SLC9C1: variants seen among roughly 807,000 people sequenced by gnomAD.
SLC9C1 encodes the protein solute carrier family 9 member C1, also known as sodium/hydrogen exchanger 10.
SLC9C1 carries 97 observed loss-of-function variants against 140.9 expected under a neutral mutation model. The observed-to-expected ratio is 0.69, with a 90% CI of 0.58 to 0.82. The LOEUF (loss-of-function observed/expected upper bound fraction) is 0.82. Ranked by LOEUF, SLC9C1 falls within the 40% of genes least tolerant of loss-of-function variation. SLC9C1 has a pLI of 0.00. For missense variants in SLC9C1, 1,340 were observed against 1,389.3 expected (o/e 0.96, Z 0.56); for synonymous variants, 440 against 442.6 (o/e 0.99, Z 0.07).
intron 22 of SLC9C1, 58 bp from the exon 23 acceptor site, chr3:112,179,759 A>G: frequency 3.5e-6 from 5 of 1,431,896 alleles, no homozygotes; most frequent in Non-Finnish European, 4.6e-6. Context: ...TATTACCAAA[A>G]CTAATTTATG....
intron 10 of SLC9C1, among the ~76,000 whole-genome samples, chr3:112,255,605 T>A (rs770305839): frequency 2.6e-5 from 4 of 151,998 alleles, no homozygotes; most frequent in Non-Finnish European, 5.9e-5. Context: ...GAAATTTATA[T>A]CATGAAACGC....
At chr3:112,201,477 C>G (rs2077903946) in intron 18 of SLC9C1, among the ~76,000 whole-genome samples, 1 of 151,974 alleles carries the variant, frequency 6.6e-6, no homozygotes. Flanking sequence ...ATTGAATGTT[C>G]AGTTTCTCAA....
intron 12 of SLC9C1, among the ~76,000 whole-genome samples, chr3:112,237,816 C>T (rs184411158): frequency 1.4e-4 from 22 of 152,310 alleles, no homozygotes; most frequent in East Asian, 1.9e-4. Context: ...GAATTTCTGC[C>T]GTGAGATCAG....
intron 6 of SLC9C1, among the ~76,000 whole-genome samples, chr3:112,272,608 A>C (rs1443185846): frequency 6.6e-6 from 1 of 152,202 alleles, no homozygotes; most frequent in African/African-American, 2.4e-5. Flanking sequence ...GTTCAGAGAA[A>C]GTCCTAATGT....
chr3:112,284,887 A>G (rs1350571157), intron 2 of SLC9C1, among the ~76,000 whole-genome samples: 1 of 94,744 alleles, frequency 1.1e-5, no homozygotes, highest in Non-Finnish European at 2.7e-5. Flanking sequence ...AATGTTTCTA[A>G]TATTTTAAAT....
At chr3:112,214,517 A>T (rs2078300527) in intron 15 of SLC9C1, among the ~76,000 whole-genome samples, 1 of 152,228 alleles carries the variant, frequency 6.6e-6, no homozygotes, top group Non-Finnish European at 1.5e-5. Context: ...ATAAAAAATG[A>T]TAAAGGGGAT....
intron 23 of SLC9C1, among the ~76,000 whole-genome samples, chr3:112,170,984 C>T (rs1281597735): frequency 2.0e-5 from 3 of 152,254 alleles, no homozygotes; most frequent in East Asian, 1.9e-4. Context: ...GAGGCTGAGG[C>T]GGGCTGAGCC....
chr3:112,191,293 A>G lies in SLC9C1; in HGVS notation c.2523+8028T>C, dbSNP rs551865686. Among the ~76,000 whole-genome samples the G allele has an allele frequency of 9.0e-4, 137 of 152,046 alleles. 2 individuals are homozygous for G. Among genetic ancestry groups the G allele is most frequent in the African/African-American group, 3.0e-3 (126 of 41,500 alleles). On this transcript the variant is annotated intron_variant, in intron 20 of 28. Coordinates refer to ENST00000305815, the MANE Select transcript of SLC9C1 (RefSeq NM_183061.3). ...TTCTTTTCTTCTCTCTGATTTTTCA[A>G]CTTTTCCTCATTGAGGATGATGTGA...
At chr3:112,249,725 C>A (rs190160667) in intron 10 of SLC9C1, among the ~76,000 whole-genome samples, 3 of 151,960 alleles carry the variant, frequency 2.0e-5, no homozygotes, top group African/African-American at 7.3e-5. Context: ...AGTTTGTGTG[C>A]AGAGGTGTTC....
At chr3:112,210,446 C>G (rs1291800605) in intron 15 of SLC9C1, among the ~76,000 whole-genome samples, 1 of 152,132 alleles carries the variant, frequency 6.6e-6, no homozygotes, top group Non-Finnish European at 1.5e-5. Flanking sequence ...AAACACAAGG[C>G]TACATAGTGA....
chr3:112,181,693 A>C (rs1368847366), intron 21 of SLC9C1, among the ~76,000 whole-genome samples: 1 of 152,214 alleles, frequency 6.6e-6, no homozygotes, highest in Non-Finnish European at 1.5e-5. Flanking sequence ...AGTTCACAGG[A>C]AGGTCTTCTA....
At chr3:112,217,639 T>A in intron 14 of SLC9C1, 78 bp from the exon 15 acceptor site, 1 of 1,345,190 alleles carries the variant, frequency 7.4e-7, no homozygotes, top group Non-Finnish European at 9.9e-7. Flanking sequence ...AGTTTAATGT[T>A]GTACATAAGT....
At chr3:112,183,132 G>T (rs2077469061) in intron 20 of SLC9C1, among the ~76,000 whole-genome samples, 1 of 151,996 alleles carries the variant, frequency 6.6e-6, no homozygotes, top group Admixed American at 6.6e-5. Flanking sequence ...GGATCATAAA[G>T]TATGCATATG....
At position 112,290,352 on chromosome 3, in the gene SLC9C1, T is replaced by C. The variant is rs560267060; in HGVS notation, c.-87-3474A>G. ...AATTATTTAAAAATTGTAATAAGTG[T>C]TTACACATTCAATTATAATAAATTT... is the stretch of plus-strand genomic sequence containing the variant. On this transcript the variant is annotated intron_variant, in intron 1 of 28. Transcript: ENST00000305815. Among the ~76,000 whole-genome samples, 42 of 150,124 alleles carry C rather than the reference T, an allele frequency of 2.8e-4. 2 individuals carry two copies. The highest frequency in any genetic ancestry group is 5.9e-5 in the Non-Finnish European group (4 of 67,724).
chr3:112,171,364 A>G (rs1451545294), intron 23 of SLC9C1, among the ~76,000 whole-genome samples: 1 of 152,208 alleles, frequency 6.6e-6, no homozygotes, highest in Non-Finnish European at 1.5e-5. Flanking sequence ...CTGGCAGCTA[A>G]TGATGGTGAA....
chr3:112,175,696 C>T (rs750902622), intron 23 of SLC9C1, among the ~76,000 whole-genome samples: 2 of 152,160 alleles, frequency 1.3e-5, no homozygotes, highest in Admixed American at 1.3e-4. Context: ...AAATGGGATT[C>T]GGGATGTGCA....
rs932903820 is a variant in SLC9C1 at position 112,270,815 on chromosome 3, CA to C, written c.614-739del. On this transcript the variant is annotated intron_variant, in intron 6 of 28. Coordinates refer to ENST00000305815, the MANE Select transcript of SLC9C1 (RefSeq NM_183061.3). ...TGGGCAAGAGAGCAAGACTCTGTCT[CA>C]AAAAAAAAGGGTACCAGTTGACCAT... 3.1e-4 allele frequency among the ~76,000 whole-genome samples: 46 copies of C among 149,768 alleles called. 1 individual carries two copies. The Middle Eastern group carries it at 0.018, about 57-fold the overall frequency.
chr3:112,193,176 GTATAGA>G (rs2077699617), intron 20 of SLC9C1, among the ~76,000 whole-genome samples: 1 of 152,200 alleles, frequency 6.6e-6, no homozygotes, highest in Admixed American at 6.5e-5. Flanking sequence ...GCTTTGCCAG[GTATAGA>G]CTTGCCGGAC....
intron 26 of SLC9C1, among the ~76,000 whole-genome samples, chr3:112,163,911 CT>C (rs1203444588): frequency 6.6e-6 from 1 of 152,058 alleles, no homozygotes; most frequent in Non-Finnish European, 1.5e-5. Flanking sequence ...GAGTCTAAGT[CT>C]CTTTGTAGGT....
Sources: gnomAD v4.1 joint callset for allele counts (sites outside exome capture counted in the v4.1 genomes callset) on GRCh38, gnomAD v4.1.1 for gene constraint, MANE v1.5 for transcripts, NCBI Gene and HGNC (gene_info 2026-07-23, HGNC 2026-07-21) for gene names.